The following KCNN1 variants were observed in gnomAD, a reference collection of about 807,000 sequenced individuals.
The protein encoded by KCNN1 is potassium calcium-activated channel subfamily N member 1, also known as small conductance calcium-activated potassium channel protein 1.
In KCNN1, 20 loss-of-function variants were observed where a neutral mutation model predicts 44.7. The ratio of observed to expected loss-of-function variants is 0.45; its 90% CI spans 0.32 to 0.65. KCNN1 has a LOEUF of 0.65. Among genes scored for constraint, KCNN1 ranks in the 30% least tolerant of loss-of-function variants. The pLI is 0.05. For synonymous variants in KCNN1, 324 were observed against 341.7 expected (o/e 0.95, Z 0.57); for missense variants, 632 against 785.3 (o/e 0.80, Z 2.33).
chr19:17,978,668 G>T (rs995144113), intron 3 of KCNN1, among the ~76,000 whole-genome samples: 4 of 150,754 alleles, frequency 2.7e-5, no homozygotes, highest in Non-Finnish European at 5.9e-5. Context: ...GCCCAGGCTG[G>T]TCTCAAACTC....
chr19:17,992,864 G>A (rs2032843422), intron 7 of KCNN1, among the ~76,000 whole-genome samples, 190 bp from the exon 8 acceptor site: 1 of 152,182 alleles, frequency 6.6e-6, no homozygotes, highest in Admixed American at 6.5e-5. Flanking sequence ...CCCCTGAGGG[G>A]CTGGCACAGA....
At chr19:17,970,776 C>T (rs540934248) in intron 1 of KCNN1, among the ~76,000 whole-genome samples, 79 of 152,206 alleles carry the variant, frequency 5.2e-4, no homozygotes, top group African/African-American at 1.9e-3. Context: ...TATCTGGAGA[C>T]ACATCGTGAG....
intron 4 of KCNN1, among the ~76,000 whole-genome samples, chr19:17,984,423 T>G (rs976097207): frequency 2.6e-5 from 4 of 152,068 alleles, no homozygotes; most frequent in Non-Finnish European, 4.4e-5. Context: ...GCTACCCCAG[T>G]TGGCCTCTGA....
At chr19:17,962,965 T>A (rs1277137974), upstream of KCNN1, among the ~76,000 whole-genome samples, 1 of 149,028 alleles carries the variant, frequency 6.7e-6, no homozygotes, top group Non-Finnish European at 1.5e-5. Flanking sequence ...CCTCCCAAAG[T>A]GCTGGGATTA....
intron 2 of KCNN1, among the ~76,000 whole-genome samples, chr19:17,956,431 A>T (rs1247015257): frequency 6.6e-6 from 1 of 152,014 alleles, no homozygotes; most frequent in African/African-American, 2.4e-5. Flanking sequence ...GTGGAATTTC[A>T]TGGGGCATCA....
intron 9 of KCNN1, among the ~76,000 whole-genome samples, chr19:17,997,556 G>A (rs56009653): frequency 0.048 from 7,238 of 152,120 alleles, 188 homozygotes; most frequent in African/African-American, 0.059. Context: ...CAGGCGCACT[G>A]AAACCTCCAC....
At chr19:17,992,483 T>G (rs1369589009) in intron 7 of KCNN1, among the ~76,000 whole-genome samples, 2 of 152,054 alleles carry the variant, frequency 1.3e-5, no homozygotes, top group Admixed American at 6.6e-5. Flanking sequence ...CGCTTGTAAT[T>G]CCAGCTACTC....
In KCNN1 at chr19:17,974,130, G is replaced by A. The variant is rs925707810; in HGVS notation, c.242G>A (p.Arg81Lys). The change falls in exon 2 of 10, where the codon AGA becomes AAA. Residue 81 changes from arginine (R) to lysine (K), a missense_variant. Physicochemically the swap from Arg to Lys is conservative, Grantham distance 26. Around this residue, in one of 3 missense-constraint regions of KCNN1, gnomAD observed 235 missense variants for 224.0 expected, o/e 1.05. Transcript: ENST00000684775. The surrounding 1 kb of genome is among the most constrained non-coding windows in gnomAD (Gnocchi z 7.3). ...DDEEDEAGRQ[R>K]ASGKPSNVGH... ...GAGGAAGATGAGGCCGGCAGGCAGA[G>A]AGCCTCGGGGAAACCCTCAAATGTG... 5 of 1,612,970 alleles carry A rather than the reference G, an allele frequency of 3.1e-6. No homozygotes were observed. The highest frequency in any genetic ancestry group is 4.5e-5 in the East Asian group (2 of 44,884).
chr19:17,981,530 C>A (rs1439465866), intron 3 of KCNN1, among the ~76,000 whole-genome samples, 179 bp from the exon 4 acceptor site: 2 of 139,296 alleles, frequency 1.4e-5, no homozygotes, highest in Admixed American at 1.5e-4. Flanking sequence ...CCAGCCTGGG[C>A]GATAAGAGCA....
At chr19:17,995,375 T>C (rs2145977957) in intron 9 of KCNN1, among the ~76,000 whole-genome samples, 1 of 152,218 alleles carries the variant, frequency 6.6e-6, no homozygotes, top group African/African-American at 2.4e-5. Context: ...GGTTTCACCA[T>C]GTTGCCCAGG....
upstream of KCNN1, among the ~76,000 whole-genome samples, chr19:17,966,742 A>G (rs2031819947): frequency 6.6e-6 from 1 of 152,118 alleles, no homozygotes; most frequent in Admixed American, 6.5e-5. Flanking sequence ...AGGGGCAGGC[A>G]TTGAGTTGCT....
In KCNN1 at chr19:18,000,046, C is replaced by T. The variant is rs2033130757; in HGVS notation, c.*1640C>T. The T allele has an allele frequency of 6.6e-6, 3 of 455,712 alleles. No individual in the cohort carries two copies. The highest frequency in any genetic ancestry group is 2.0e-5 in the African/African-American group (1 of 50,038). The allele number at this position is 455,712 out of a possible 1,614,324, so 28.2% of individuals were successfully genotyped here. ...AAAAGGGCCAGGCAACTGGTAGGTGCTCAATAAATGCTCCTTCCCGCCTGA... is the reference window on the plus strand; with the variant it reads ...AAAAGGGCCAGGCAACTGGTAGGTGTTCAATAAATGCTCCTTCCCGCCTGA... On this transcript the variant is annotated 3_prime_UTR_variant, in exon 10 of 10. Coordinates refer to ENST00000684775, the MANE Select transcript of KCNN1 (RefSeq NM_001386974.1).
At position 17,998,379 on chromosome 19, in the gene KCNN1, G is replaced by A. The variant is rs1466361713; in HGVS notation, c.1605G>A (p.Thr535=). ...CCCGGAGCTCCCCCTGCCGGTGGACGCCCGTGGCCCCCTCGGACTGCGGGT... is the reference window on the plus strand; with the variant it reads ...CCCGGAGCTCCCCCTGCCGGTGGACACCCGTGGCCCCCTCGGACTGCGGGT... The part of the protein sequence containing the change: ...QAARSSPCRW[T]PVAPSDCG The change falls in exon 10 of 10, where the codon ACG becomes ACA. Residue 535 remains threonine, a synonymous_variant. Transcript: ENST00000684775. The surrounding 1 kb of genome is among the most constrained non-coding windows in gnomAD (Gnocchi z 5.4). 9 of 1,490,722 alleles carry A rather than the reference G, an allele frequency of 6.0e-6. No homozygotes were observed. Among genetic ancestry groups the A allele is most frequent in the Middle Eastern group, 4.9e-4 (2 of 4,116 alleles). 92.3% of individuals were successfully genotyped at this position (1,490,722 alleles called of 1,614,324 possible).
At chr19:17,953,727 GAGACC>G (rs999091327) in intron 1 of KCNN1, among the ~76,000 whole-genome samples, 13 of 152,178 alleles carry the variant, frequency 8.5e-5, no homozygotes, top group Non-Finnish European at 1.3e-4. Context: ...TCAGGAGTTC[GAGACC>G]AGCCTGGGCA....
intron 4 of KCNN1, chr19:17,982,434 A>G (rs2032449868): frequency 2.0e-6 from 1 of 492,394 alleles, no homozygotes; most frequent in Admixed American, 6.4e-5. Context: ...GCTCCCTGGG[A>G]GGCTGACTCC....
chr19:17,957,946 C>T (rs1222598388), intron 2 of KCNN1, among the ~76,000 whole-genome samples: 1 of 151,996 alleles, frequency 6.6e-6, no homozygotes, highest in Non-Finnish European at 1.5e-5. Flanking sequence ...TGGGCACATT[C>T]TGGGACTGGG....
intron 7 of KCNN1, chr19:17,990,186 G>A (rs1380948159): frequency 6.6e-6 from 3 of 451,862 alleles, no homozygotes; most frequent in Non-Finnish European, 1.3e-5. Flanking sequence ...ATGGGATCAT[G>A]TAGGATAACT....
At chr19:17,963,564 C>T (rs1255386880), upstream of KCNN1, among the ~76,000 whole-genome samples, 3 of 152,108 alleles carry the variant, frequency 2.0e-5, no homozygotes, top group Non-Finnish European at 2.9e-5. Context: ...GATCTGCCCT[C>T]TTTGTCCTCC....
chr19:17,988,658 G>A, intron 6 of KCNN1, 133 bp downstream of exon 6: 1 of 729,644 alleles, frequency 1.4e-6, no homozygotes. Flanking sequence ...TGTCAAGACT[G>A]TGCTGGCTTT....
Sources: allele counts gnomAD v4.1 joint callset (sites outside exome capture counted in the v4.1 genomes callset), GRCh38; gene constraint gnomAD v4.1.1; regional missense constraint gnomAD v4.1.1; non-coding constraint Gnocchi (gnomAD v3.1); transcripts MANE v1.5; gene names NCBI Gene and HGNC (gene_info 2026-07-23, HGNC 2026-07-21).